The following HLTF variants were observed in gnomAD, a reference collection of about 807,000 sequenced individuals.
HLTF encodes helicase like transcription factor, also known as DNA-dependent ATPase/E3 ubiquitin-protein ligase HLTF.
HLTF carries 127 observed loss-of-function variants against 129.4 expected under a neutral mutation model. The observed-to-expected ratio is 0.98, with a 90% CI of 0.85 to 1.14. HLTF has a LOEUF of 1.14. HLTF is among the 50% of genes most tolerant of loss of function. The probability of loss-of-function intolerance (pLI) is 0.00; values close to 1 mark genes in which losing one functional copy is unlikely to be tolerated. For synonymous variants in HLTF, 332 were observed against 388.8 expected (o/e 0.85, Z 1.72); for missense variants, 1,139 against 1,187.1 (o/e 0.96, Z 0.60).
chr3:149,046,763 G>C (rs1296128357), intron 17 of HLTF, among the ~76,000 whole-genome samples: 1 of 152,028 alleles, frequency 6.6e-6, no homozygotes, highest in African/African-American at 2.4e-5. Context: ...AAGATAATAT[G>C]GTAATTCAGA....
intron 1 of HLTF, among the ~76,000 whole-genome samples, chr3:149,086,077 C>A (rs958105797): frequency 5.9e-5 from 9 of 152,062 alleles, no homozygotes; most frequent in Non-Finnish European, 1.3e-4. Context: ...AAGCCCCAGG[C>A]CCCCCACAGT....
chr3:149,053,500 G>T (rs1717168997), intron 14 of HLTF, among the ~76,000 whole-genome samples: 1 of 152,162 alleles, frequency 6.6e-6, no homozygotes, highest in Non-Finnish European at 1.5e-5. Context: ...GCTTCCTGTG[G>T]CCTCACCAGA....
At chr3:149,077,565 A>G (rs985537212) in intron 2 of HLTF, among the ~76,000 whole-genome samples, 9 of 151,918 alleles carry the variant, frequency 5.9e-5, no homozygotes, top group South Asian at 2.1e-4. Flanking sequence ...GCTGAAGCAA[A>G]AAAACAAAAA....
intron 13 of HLTF, among the ~76,000 whole-genome samples, chr3:149,058,031 G>T (rs953641669): frequency 1.3e-5 from 2 of 152,086 alleles, no homozygotes; most frequent in Admixed American, 6.6e-5. Context: ...GCACAACTTT[G>T]TCAATACTTG....
intron 17 of HLTF, among the ~76,000 whole-genome samples, chr3:149,047,603 C>T (rs1471329399): frequency 6.6e-6 from 1 of 152,170 alleles, no homozygotes; most frequent in Admixed American, 6.5e-5. Flanking sequence ...GATCGCGCCA[C>T]TGCCCTCCAG....
chr3:149,073,671 G>A (rs1014548982), intron 4 of HLTF, among the ~76,000 whole-genome samples: 7 of 152,280 alleles, frequency 4.6e-5, no homozygotes, highest in African/African-American at 1.2e-4. Context: ...ACTCTAGCCT[G>A]GGTGACAGAG....
Position 149,048,921 on chromosome 3 carries a change from A to G in HLTF, c.1698T>C (p.Asn566=), listed in dbSNP as rs1232207661. The change falls in exon 16 of 25, where the codon AAT becomes AAC. Residue 566 remains asparagine (N), a synonymous_variant. Transcript: ENST00000310053. The part of the protein sequence containing the change: ...LDEGHAIRNP[N]AQQTKAVLDL... Reference sequence around the variant, plus strand: ...CAAGTACAGCTTTTGTCTGCTGAGCATTTGGATTTCGTATGGCATGTCCTT... The same window carrying G: ...CAAGTACAGCTTTTGTCTGCTGAGCGTTTGGATTTCGTATGGCATGTCCTT... 4.3e-6 allele frequency: 7 copies of G among 1,613,182 alleles called. No individual in the cohort carries two copies. Among genetic ancestry groups the G allele is most frequent in the Middle Eastern group, 1.6e-4 (1 of 6,080 alleles).
rs145320966 is a variant in HLTF at position 149,060,680 on chromosome 3, C to T, written c.1248G>A (p.Leu416=). 130 of 1,613,014 alleles carry T rather than the reference C, an allele frequency of 8.1e-5. 1 individual carries two copies. The highest frequency in any genetic ancestry group is 2.0e-5 in the Non-Finnish European group (23 of 1,179,420). Residue 416 remains leucine (L), a synonymous_variant, in exon 12 of 25, where the codon CTG becomes CTA. Coordinates refer to ENST00000310053, the MANE Select transcript of HLTF (RefSeq NM_003071.4). ...SELPQKMKGK[L]KNVQSETKGR... is the part of the protein sequence containing the mutation. ...CTTTAGTTTCAGACTGTACATTTTT[C>T]AGTTTGCCTAAAAATAAAACAAAAA... is the stretch of plus-strand genomic sequence containing the variant.
At chr3:149,083,146 G>A (rs1057342253) in intron 2 of HLTF, among the ~76,000 whole-genome samples, 1 of 152,068 alleles carries the variant, frequency 6.6e-6, no homozygotes, top group African/African-American at 2.4e-5. Flanking sequence ...AGCTACTTAG[G>A]AGGCTGTTGC....
chr3:149,071,451 T>A lies in HLTF; in HGVS notation c.703-8A>T, dbSNP rs1190805766. ...CAGTGGTGTTTCAATAGCCTATAAA[T>A]AAAAAGTCATAAAGCGAAATACATT... On this transcript the variant is annotated splice_polypyrimidine_tract_variant and splice_region_variant and intron_variant, in intron 6 of 24. Coordinates refer to ENST00000310053, the MANE Select transcript of HLTF (RefSeq NM_003071.4). 1 of 1,603,324 alleles carries A rather than the reference T, an allele frequency of 6.2e-7. No individual in the cohort carries two copies. The highest frequency in any genetic ancestry group is 8.5e-7 in the Non-Finnish European group (1 of 1,173,224).
intron 7 of HLTF, 25 bp downstream of exon 7, chr3:149,071,227 A>T: frequency 7.2e-7 from 1 of 1,390,432 alleles, no homozygotes; most frequent in Admixed American, 2.2e-5. Context: ...ATTAGATTTT[A>T]TTAACTAAAG....
chr3:149,076,147 C>A, intron 2 of HLTF, 100 bp from the exon 3 acceptor site: 1 of 506,162 alleles, frequency 2.0e-6, no homozygotes, highest in South Asian at 3.7e-5. Flanking sequence ...AATGCTACTG[C>A]TAAACACTGC....
chr3:149,083,832 T>C (rs1720096572), intron 2 of HLTF: 1 of 151,208 alleles, frequency 6.6e-6, no homozygotes, highest in South Asian at 2.1e-4. Context: ...ATTGGGAGAA[T>C]TGCTTGAGTC....
At chr3:149,042,016 G>C (rs1056955606) in intron 19 of HLTF, 150 bp downstream of exon 19, 63 of 658,042 alleles carry the variant, frequency 9.6e-5, no homozygotes, top group Admixed American at 5.4e-4. Flanking sequence ...AAAAATTATT[G>C]GATGTATTCC....
In HLTF at chr3:149,034,999, C is replaced by G; in HGVS notation, c.2797-1G>C. The G allele has an allele frequency of 6.2e-7, 1 of 1,610,578 alleles. No homozygotes were observed. The highest frequency in any genetic ancestry group is 8.5e-7 in the Non-Finnish European group (1 of 1,176,752). ...GATCTTCAGCAGCAGGATTCCAGGC[C>G]TAACAAGAACATGGATGAGTTACTT... On this transcript the variant is annotated splice_acceptor_variant, in intron 23 of 24. Transcript: ENST00000310053. LOFTEE classifies it high-confidence loss of function.
Position 149,039,242 on chromosome 3 carries a change from A to C in HLTF, c.2616-13T>G. On this transcript the variant is annotated splice_polypyrimidine_tract_variant and intron_variant, in intron 22 of 24. Coordinates refer to ENST00000310053, the MANE Select transcript of HLTF (RefSeq NM_003071.4). ...AAATCCAGAGGCTCTAAAGGGGGGA[A>C]GAAAAGAGACAAGTAACAAACACTA... is the stretch of plus-strand genomic sequence containing the variant. 6.6e-7 allele frequency: 1 copy of C among 1,506,372 alleles called. No individual in the cohort carries two copies. Among genetic ancestry groups the C allele is most frequent in the South Asian group, 1.3e-5 (1 of 74,752 alleles). The allele number at this position is 1,506,372 out of a possible 1,614,324, so 93.3% of individuals were successfully genotyped here. A position where few individuals can be genotyped will look rare whatever the true frequency, so the allele number is the denominator to read the frequency against.
rs148553300 is a variant in HLTF, at chr3:149,039,161, T to G, written c.2684A>C (p.Gln895Pro). 5 of 1,611,898 alleles carry G rather than the reference T, an allele frequency of 3.1e-6. No homozygotes were observed. Among genetic ancestry groups the G allele is most frequent in the Non-Finnish European group, 4.2e-6 (5 of 1,179,164 alleles). ...TCCTGCTTCAGTGTTTTGAAAACAC[T>G]GAATTGATTCAACTCTTTTCTTTTG... is the stretch of plus-strand genomic sequence containing the variant. ...MAQKKRVESI[Q>P]CFQNTEAGSP... Residue 895 changes from glutamine to proline, a missense_variant, in exon 23 of 25, where the codon CAG becomes CCG. Physicochemically the swap from Gln to Pro is moderately conservative, Grantham distance 76 (BLOSUM62 -1). Transcript: ENST00000310053.
chr3:149,059,708 ATTT>A lies in HLTF; in HGVS notation c.1375+7_1375+9del. 1 of 1,521,480 alleles carries A rather than the reference ATTT, an allele frequency of 6.6e-7. No individual in the cohort carries two copies. 94.2% of individuals were successfully genotyped at this position (1,521,480 alleles called of 1,614,324 possible). ...AAACCAAAAACTAGAAAACAAGGAT[ATTT>A]ACTGACCCTTTTTCAACATTTTCTT... On this transcript the variant is annotated splice_region_variant and intron_variant, in intron 13 of 24. Transcript: ENST00000310053.
chr3:149,055,807 G>T (rs1717383217), intron 13 of HLTF, among the ~76,000 whole-genome samples: 1 of 152,276 alleles, frequency 6.6e-6, no homozygotes, highest in African/African-American at 2.4e-5. Context: ...ACTCCACCAG[G>T]ACTGGTCTGT....
Sources: allele counts gnomAD v4.1 joint callset (sites outside exome capture counted in the v4.1 genomes callset), GRCh38; gene constraint gnomAD v4.1.1; transcripts MANE v1.5; gene names NCBI Gene and HGNC (gene_info 2026-07-23, HGNC 2026-07-21).